DIP2C: variants seen among roughly 807,000 people sequenced by gnomAD.
DIP2C encodes the protein disco-interacting protein 2 homolog C.
DIP2C carries 33 observed loss-of-function variants against 192.4 expected under a neutral mutation model. The ratio of observed to expected loss-of-function variants is 0.17; its 90% CI spans 0.13 to 0.23. DIP2C has a LOEUF of 0.23. DIP2C is among the 10% of genes least tolerant of loss of function. The pLI is 1.00. For missense variants in DIP2C, 1,537 were observed against 2,110.1 expected, an observed-to-expected ratio of 0.73 and a Z score of 5.32; for synonymous variants, 979 against 864.1, an observed-to-expected ratio of 1.13 and a Z score of -2.33.
chr10:412,291 G>A (rs1315230602), intron 8 of DIP2C, among the ~76,000 whole-genome samples: 2 of 152,236 alleles, frequency 1.3e-5, no homozygotes, highest in Non-Finnish European at 2.9e-5. Context: ...TTAGTTCTCA[G>A]AGTGAACACA....
At chr10:581,440 A>G (rs1305144171) in intron 1 of DIP2C, among the ~76,000 whole-genome samples, 6 of 152,200 alleles carry the variant, frequency 3.9e-5, no homozygotes, top group Admixed American at 3.3e-4. Flanking sequence ...CAAAGGTGCT[A>G]ATCAAAAATG....
intron 1 of DIP2C, among the ~76,000 whole-genome samples, chr10:510,850 C>T (rs1177120718): frequency 1.3e-5 from 2 of 152,148 alleles, no homozygotes; most frequent in South Asian, 4.1e-4. Context: ...CTAAATTGAC[C>T]CAATATCTGC....
intron 36 of DIP2C, among the ~76,000 whole-genome samples, chr10:278,811 A>T (rs1444132200): frequency 6.6e-6 from 1 of 152,174 alleles, no homozygotes; most frequent in Non-Finnish European, 1.5e-5. Flanking sequence ...TTTGGAACTA[A>T]CTGTTTAAGG....
chr10:585,033 C>A (rs192658018), intron 1 of DIP2C, among the ~76,000 whole-genome samples: 93 of 151,350 alleles, frequency 6.1e-4, no homozygotes, highest in Non-Finnish European at 1.2e-3. Context: ...CACTCACGCA[C>A]ATCACCTCTC....
chr10:367,374 G>T (rs975338382), intron 18 of DIP2C, among the ~76,000 whole-genome samples: 1 of 150,438 alleles, frequency 6.6e-6, no homozygotes, highest in African/African-American at 2.5e-5. Flanking sequence ...CCGAGATCGC[G>T]CCACTGCACT....
intron 1 of DIP2C, among the ~76,000 whole-genome samples, chr10:622,704 C>G (rs1369909713): frequency 6.6e-6 from 1 of 152,116 alleles, no homozygotes; most frequent in Non-Finnish European, 1.5e-5. Flanking sequence ...TGTAGGATAC[C>G]CCTTACCACA....
intron 10 of DIP2C, among the ~76,000 whole-genome samples, chr10:394,851 A>G (rs1487469495): frequency 1.3e-5 from 2 of 149,366 alleles, no homozygotes; most frequent in African/African-American, 5.0e-5. Flanking sequence ...GAACCGAAGG[A>G]CATTACCTCA....
intron 1 of DIP2C, among the ~76,000 whole-genome samples, chr10:498,971 A>G (rs1288504647): frequency 6.6e-6 from 1 of 152,254 alleles, no homozygotes; most frequent in Non-Finnish European, 1.5e-5. Flanking sequence ...TGCACCGCAC[A>G]GCACTGCTGA....
chr10:464,679 C>T (rs1000958344), intron 3 of DIP2C, among the ~76,000 whole-genome samples: 1 of 152,168 alleles, frequency 6.6e-6, no homozygotes, highest in African/African-American at 2.4e-5. Flanking sequence ...CACATACAAA[C>T]GTATGTTTAT....
At chr10:538,776 TAATACTATCAC>T (rs1847830225) in intron 1 of DIP2C, among the ~76,000 whole-genome samples, 2 of 152,336 alleles carry the variant, frequency 1.3e-5, no homozygotes, top group South Asian at 4.1e-4. Flanking sequence ...CTGTACCTAT[TAATACTATCAC>T]AATTCTAAAT....
At chr10:304,244 C>T (rs1269971530) in intron 32 of DIP2C, among the ~76,000 whole-genome samples, 2 of 152,260 alleles carry the variant, frequency 1.3e-5, no homozygotes, top group African/African-American at 4.8e-5. Context: ...AAACACATAA[C>T]GCATTGCATT....
At chr10:665,071 G>C (rs960923002) in intron 1 of DIP2C, 1 of 152,086 alleles carries the variant, frequency 6.6e-6, no homozygotes, top group Non-Finnish European at 1.5e-5. Flanking sequence ...TGTTGGAGTT[G>C]ACCTTGAAAT....
intron 2 of DIP2C, among the ~76,000 whole-genome samples, chr10:485,151 G>A (rs1182941861): frequency 2.6e-5 from 4 of 152,240 alleles, no homozygotes; most frequent in Admixed American, 6.5e-5. Flanking sequence ...CCTGGCAAGC[G>A]AGGAACCGCT....
chr10:618,418 C>T (rs927685065), intron 1 of DIP2C, among the ~76,000 whole-genome samples: 5 of 152,332 alleles, frequency 3.3e-5, no homozygotes, highest in Admixed American at 1.3e-4. Flanking sequence ...GCCCGCAGGC[C>T]CCTGGAGGAG....
chr10:476,561 G>A (rs1400208206), intron 2 of DIP2C, among the ~76,000 whole-genome samples: 1 of 152,198 alleles, frequency 6.6e-6, no homozygotes, highest in East Asian at 1.9e-4. Flanking sequence ...GTGCAGAAGT[G>A]ATCCATGAGT....
At chr10:682,668 G>A (rs1376038132) in intron 1 of DIP2C, among the ~76,000 whole-genome samples, 1 of 151,728 alleles carries the variant, frequency 6.6e-6, no homozygotes, top group Non-Finnish European at 1.5e-5. Context: ...TATGTTTACA[G>A]ATACATTTTT....
intron 1 of DIP2C, among the ~76,000 whole-genome samples, chr10:494,639 T>A (rs965124605): frequency 1.3e-5 from 2 of 152,082 alleles, no homozygotes; most frequent in Non-Finnish European, 2.9e-5. Context: ...CCAGTCAATA[T>A]GCAGCATGAG....
intron 1 of DIP2C, among the ~76,000 whole-genome samples, chr10:644,792 T>C (rs1855369430): frequency 6.6e-6 from 1 of 152,238 alleles, no homozygotes. Flanking sequence ...TGCCCCTACT[T>C]CTCAAAAGTA....
At position 327,491 on chromosome 10, in the gene DIP2C, C is replaced by T. The variant is rs759480073; in HGVS notation, c.3754-315G>A. The stretch of plus-strand genomic sequence containing the variant: ...CTGGCTGAGACGATGAAAGGCCGTT[C>T]GGGAAAAGAGAGCCATCTGATACAT... On this transcript the variant is annotated intron_variant, in intron 30 of 36. Transcript: ENST00000280886. Among the ~76,000 whole-genome samples the T allele has an allele frequency of 3.3e-5, 5 of 152,274 alleles. No individual in the cohort carries two copies. In the South Asian group the frequency reaches 6.2e-4, roughly 19 times the overall value.
Sources: allele counts gnomAD v4.1 joint callset (sites outside exome capture counted in the v4.1 genomes callset), GRCh38; gene constraint gnomAD v4.1.1; transcripts MANE v1.5; gene names NCBI Gene and HGNC (gene_info 2026-07-23, HGNC 2026-07-21).